Variants in CRABP2 observed in about 807,000 individuals in gnomAD.
The protein encoded by CRABP2 is cellular retinoic acid binding protein 2, also known as cellular retinoic acid-binding protein 2.
A neutral mutation model predicts 17.9 loss-of-function variants in CRABP2; 20 were observed. The ratio of observed to expected loss-of-function variants is 1.12; its 90% CI spans 0.79 to 1.63. CRABP2 has a LOEUF of 1.63. CRABP2 is among the 40% of genes most tolerant of loss of function. The probability of loss-of-function intolerance (pLI) is 0.00; values close to 1 mark genes in which losing one functional copy is unlikely to be tolerated. For synonymous variants in CRABP2, 76 were observed against 66.4 expected, an observed-to-expected ratio of 1.14 and a Z score of -0.70; for missense variants, 151 against 168.6, an observed-to-expected ratio of 0.90 and a Z score of 0.58.
intron 1 of CRABP2, among the ~76,000 whole-genome samples, 176 bp from the exon 2 acceptor site, chr1:156,701,228 C>T (rs936459123): frequency 9.2e-5 from 14 of 152,038 alleles, no homozygotes; most frequent in Non-Finnish European, 1.9e-4. Context: ...AGACGGTAGG[C>T]GGTGCAGCCC....
Position 156,699,986 on chromosome 1 carries a change from G to T in CRABP2, c.*40C>A. 2.5e-6 allele frequency: 4 copies of T among 1,601,498 alleles called. No individual in the cohort carries two copies. The highest frequency in any genetic ancestry group is 2.3e-5 in the East Asian group (1 of 44,144). On this transcript the variant is annotated 3_prime_UTR_variant, in exon 4 of 4. Transcript: ENST00000368222. ...GCAGTGAAGCAGGGCGGTGAGCATG[G>T]CCAGTGGTGGGCTTCGGCCGCGGTT...
chr1:156,702,437 ACAAGGCGAGACTCCATCT>A (rs887804152), intron 1 of CRABP2, among the ~76,000 whole-genome samples: 1 of 151,842 alleles, frequency 6.6e-6, no homozygotes, highest in Non-Finnish European at 1.5e-5. Flanking sequence ...AGCCTGGGCG[ACAAGGCGAGACTCCATCT>A]CAAAAAAAAC....
At position 156,699,847 on chromosome 1, in the gene CRABP2, G is replaced by T; in HGVS notation, c.*179C>A. Reference sequence around the variant, plus strand: ...GCCATTCCTCTTTGTTGGTGTAGGGGAGGAGAGAAGAGGTCAAAGAAAGCA... The same window carrying T: ...GCCATTCCTCTTTGTTGGTGTAGGGTAGGAGAGAAGAGGTCAAAGAAAGCA... On this transcript the variant is annotated 3_prime_UTR_variant, in exon 4 of 4. Transcript: ENST00000368222. The T allele has an allele frequency of 1.7e-6, 1 of 605,628 alleles. No individual in the cohort carries two copies. The highest frequency in any genetic ancestry group is 2.9e-6 in the Non-Finnish European group (1 of 341,806). The allele number at this position is 605,628 out of a possible 1,614,324, so 37.5% of individuals were successfully genotyped here.
chr1:156,700,761 G>T (rs1313728539), intron 2 of CRABP2, 103 bp from the exon 3 acceptor site: 2 of 1,508,618 alleles, frequency 1.3e-6, no homozygotes, highest in Non-Finnish European at 9.1e-7. Context: ...ACCACCTAGG[G>T]ATTTTCCCTA....
At chr1:156,701,906 A>G (rs1413895685) in intron 1 of CRABP2, among the ~76,000 whole-genome samples, 1 of 152,066 alleles carries the variant, frequency 6.6e-6, no homozygotes, top group Non-Finnish European at 1.5e-5. Context: ...TACAAGGCCA[A>G]GGCAGGTGGA....
chr1:156,699,774 T>A lies in CRABP2; in HGVS notation c.*252A>T. On this transcript the variant is annotated 3_prime_UTR_variant, in exon 4 of 4. Coordinates refer to ENST00000368222, the MANE Select transcript of CRABP2 (RefSeq NM_001878.4). Reference sequence around the variant, plus strand: ...CTGGTTTGGGGCTAGGACTGCTGACTTGGGGAGGCGGGGAGTGAACCCGGA... The same window carrying A: ...CTGGTTTGGGGCTAGGACTGCTGACATGGGGAGGCGGGGAGTGAACCCGGA... 1.9e-6 allele frequency: 1 copy of A among 519,944 alleles called. No individual in the cohort carries two copies. 32.2% of individuals were successfully genotyped at this position (519,944 alleles called of 1,614,324 possible).
At chr1:156,701,594 C>T (rs147725153) in intron 1 of CRABP2, among the ~76,000 whole-genome samples, 13 of 152,218 alleles carry the variant, frequency 8.5e-5, no homozygotes, top group African/African-American at 2.4e-4. Context: ...ATCTACCCAC[C>T]GTATCTAGTG....
intron 1 of CRABP2, among the ~76,000 whole-genome samples, chr1:156,701,911 G>T (rs573086083): frequency 3.9e-5 from 6 of 152,204 alleles, no homozygotes; most frequent in African/African-American, 1.4e-4. Flanking sequence ...GGCCAAGGCA[G>T]GTGGATTGTT....
Position 156,705,346 on chromosome 1 carries a change from G to T in CRABP2, c.70+31C>A. On this transcript the variant is annotated intron_variant, in intron 1 of 3. Transcript: ENST00000368222. This position sits in a 1 kb window ranked among gnomAD's most constrained non-coding sequence, Gnocchi z 5.2. The stretch of plus-strand genomic sequence containing the variant: ...TTCGAGGACTCCAGAGCCCCCCCTT[G>T]CCCCACCTGGGCCCTCGAACATTTC... The T allele has an allele frequency of 6.2e-7, 1 of 1,611,914 alleles. No individual in the cohort carries two copies. The highest frequency in any genetic ancestry group is 1.1e-5 in the South Asian group (1 of 91,030).
chr1:156,702,133 A>C (rs1648055559), intron 1 of CRABP2, among the ~76,000 whole-genome samples: 2 of 152,148 alleles, frequency 1.3e-5, no homozygotes, highest in African/African-American at 4.8e-5. Context: ...CCTGGGTGAC[A>C]GAGAGAGACC....
chr1:156,703,566 T>A (rs1490313165), intron 1 of CRABP2, among the ~76,000 whole-genome samples: 1 of 152,130 alleles, frequency 6.6e-6, no homozygotes, highest in Middle Eastern at 3.2e-3. Context: ...GCCAACTCCC[T>A]GGACCTCCTC....
chr1:156,705,553 C>G lies in CRABP2; in HGVS notation c.-107G>C, dbSNP rs1311672789. 1.3e-5 allele frequency: 16 copies of G among 1,269,142 alleles called. No homozygotes were observed. Among genetic ancestry groups the G allele is most frequent in the Non-Finnish European group, 1.8e-5 (16 of 884,574 alleles). The allele number at this position is 1,269,142 out of a possible 1,614,324, so 78.6% of individuals were successfully genotyped here. On this transcript the variant is annotated 5_prime_UTR_variant, in exon 1 of 4. Coordinates refer to ENST00000368222, the MANE Select transcript of CRABP2 (RefSeq NM_001878.4). The surrounding 1 kb of genome is among the most constrained non-coding windows in gnomAD (Gnocchi z 5.2). ...GTCGCCGGGTCGTCAGGTTCTGGAA[C>G]CAAGACAAGTCCAGGGACAACCCCA...
At chr1:156,701,996 G>C (rs1004181787) in intron 1 of CRABP2, among the ~76,000 whole-genome samples, 3 of 151,724 alleles carry the variant, frequency 2.0e-5, no homozygotes, top group Non-Finnish European at 4.4e-5. Flanking sequence ...AAAAAGCCAG[G>C]GCTGGACGCA....
Position 156,705,266 on chromosome 1 carries a change from G to A in CRABP2, c.70+111C>T. ...GCCTGGCACGTTTTTCGGGGATGCA[G>A]GCACCCAGTGTCTCACGCCCTGATT... On this transcript the variant is annotated intron_variant, in intron 1 of 3. Transcript: ENST00000368222. This position sits in a 1 kb window ranked among gnomAD's most constrained non-coding sequence, Gnocchi z 5.2. 8.4e-7 allele frequency: 1 copy of A among 1,195,838 alleles called. No homozygotes were observed. Among genetic ancestry groups the A allele is most frequent in the Non-Finnish European group, 1.2e-6 (1 of 808,920 alleles). 74.1% of individuals were successfully genotyped at this position (1,195,838 alleles called of 1,614,324 possible).
intron 1 of CRABP2, among the ~76,000 whole-genome samples, chr1:156,701,960 G>A (rs1648050635): frequency 6.7e-6 from 1 of 149,984 alleles, no homozygotes; most frequent in Non-Finnish European, 1.5e-5. Context: ...GCAACATGCT[G>A]AAACCCCGAC....
Position 156,701,012 on chromosome 1 carries a change from C to A in CRABP2, c.111G>T (p.Ala37=). 6.2e-7 allele frequency: 1 copy of A among 1,614,152 alleles called. No individual in the cohort carries two copies. The highest frequency in any genetic ancestry group is 8.5e-7 in the Non-Finnish European group (1 of 1,180,024). The change falls in exon 2 of 4, where the codon GCG becomes GCT. Residue 37 remains alanine (A), a synonymous_variant. Transcript: ENST00000368222. ...GTTTGATCTCCACTGCTGGCTTGGA[C>A]GCTGCAGCCACAGCAATCTTCCTCA... ...VMLRKIAVAA[A]SKPAVEIKQE... is the part of the protein sequence containing the mutation.
chr1:156,705,591 G>T (rs1438980339), upstream of CRABP2: 37 of 839,536 alleles, frequency 4.4e-5, no homozygotes, highest in Non-Finnish European at 1.9e-5. The surrounding 1 kb of genome is among the most constrained non-coding windows in gnomAD (Gnocchi z 5.2). Context: ...GCTGGCCTGG[G>T]CTCCCGCGCG....
At position 156,700,600 on chromosome 1, in the gene CRABP2, C is replaced by G. The variant is rs1380040334; in HGVS notation, c.308G>C (p.Gly103Ala). ...GGTCCACGAGGTCTTGGGGCCCTCT[C>G]CCTTCAGGAGCTTCTGCTCACAGAC... ...KMVCEQKLLK[G>A]EGPKTSWTRE... The change falls in exon 3 of 4, where the codon GGA (glycine) becomes GCA (alanine). Residue 103 changes from glycine to alanine, a missense_variant. Gly to Ala is a moderately conservative substitution (Grantham distance 60). Transcript: ENST00000368222. 5 of 1,614,184 alleles carry G rather than the reference C, an allele frequency of 3.1e-6. No individual in the cohort carries two copies. The highest frequency in any genetic ancestry group is 4.2e-6 in the Non-Finnish European group (5 of 1,180,018).
chr1:156,700,033 C>T lies in CRABP2; in HGVS notation c.410G>A (p.Arg137Gln), dbSNP rs143001794. 65 of 1,613,152 alleles carry T rather than the reference C, an allele frequency of 4.0e-5. No homozygotes were observed. Among genetic ancestry groups the T allele is most frequent in the Non-Finnish European group, 4.6e-5 (54 of 1,179,632 alleles). The change falls in exon 4 of 4, where the codon CGA becomes CAA. Residue 137 changes from arginine (R) to glutamine (Q), a missense_variant. Arg to Gln is a conservative substitution (Grantham distance 43). Coordinates refer to ENST00000368222, the MANE Select transcript of CRABP2 (RefSeq NM_001878.4). ...DDVVCTRVYV[R>Q]E ...GGTTCTACCTGTGGCCACTCACTCT[C>T]GGACGTAGACCCTGGTGCACACAAC...
Sources: gnomAD v4.1 joint callset for allele counts (sites outside exome capture counted in the v4.1 genomes callset) on GRCh38, gnomAD v4.1.1 for gene constraint, Gnocchi (gnomAD v3.1) non-coding constraint, MANE v1.5 for transcripts, NCBI Gene and HGNC (gene_info 2026-07-23, HGNC 2026-07-21) for gene names.